ELK3: variants seen among roughly 807,000 people sequenced by gnomAD.
ELK3 encodes ETS domain-containing protein Elk-3.
In ELK3, 10 loss-of-function variants were observed where a neutral mutation model predicts 28.9. The observed-to-expected ratio is 0.35, with a 90% CI of 0.21 to 0.59. The LOEUF is 0.59. Ranked by LOEUF, ELK3 falls within the 20% of genes least tolerant of loss-of-function variation. The pLI is 0.82. For synonymous variants in ELK3, 272 were observed against 243.5 expected (o/e 1.12, Z -1.09); for missense variants, 463 against 517.3 (o/e 0.90, Z 1.02).
At chr12:96,199,939 TA>T (rs1951498252) in intron 1 of ELK3, among the ~76,000 whole-genome samples, 1 of 152,094 alleles carries the variant, frequency 6.6e-6, no homozygotes, top group South Asian at 2.1e-4. Context: ...AGGATCTATT[TA>T]TGACACATAG....
chr12:96,245,397 C>A (rs1028487850), intron 2 of ELK3, among the ~76,000 whole-genome samples: 1 of 152,048 alleles, frequency 6.6e-6, no homozygotes, highest in Non-Finnish European at 1.5e-5. Context: ...GGTTCTTGGG[C>A]AAATGACTCT....
At chr12:96,253,672 T>A (rs767493158) in intron 3 of ELK3, among the ~76,000 whole-genome samples, 23 of 152,256 alleles carry the variant, frequency 1.5e-4, no homozygotes, top group Admixed American at 3.9e-4. Context: ...GGGTACAACC[T>A]GCTAGACATC....
At chr12:96,194,841 G>A (rs1191607916) in intron 1 of ELK3, 136 bp downstream of exon 1, 7 of 141,344 alleles carry the variant, frequency 5.0e-5, no homozygotes, top group Non-Finnish European at 1.6e-5. Flanking sequence ...GGGCCGGGGT[G>A]GGGGTGGCGG....
chr12:96,235,402 C>T (rs776554221), intron 2 of ELK3, among the ~76,000 whole-genome samples: 9 of 152,070 alleles, frequency 5.9e-5, no homozygotes, highest in Non-Finnish European at 1.0e-4. Context: ...CTTACGGGGC[C>T]GCATGCTGGG....
intron 1 of ELK3, among the ~76,000 whole-genome samples, chr12:96,200,215 C>T (rs1234712486): frequency 1.3e-5 from 2 of 152,074 alleles, no homozygotes; most frequent in Non-Finnish European, 2.9e-5. Flanking sequence ...TATCTTCCTT[C>T]TAGTTAATTG....
rs559420889 is a variant in ELK3, at chr12:96,225,725, A to G, written c.207+1952A>G. 9.0e-4 allele frequency among the ~76,000 whole-genome samples: 137 copies of G among 152,320 alleles called. 2 individuals are homozygous for G. Among genetic ancestry groups the G allele is most frequent in the Admixed American group, 3.4e-3 (52 of 15,296 alleles). ...CCACCCAGGTTCCCAGCCAAAAGGC[A>G]CACACACACCCTGCCTTCTGGGCCA... is the stretch of plus-strand genomic sequence containing the variant. On this transcript the variant is annotated intron_variant, in intron 2 of 4. Coordinates refer to ENST00000228741, the MANE Select transcript of ELK3 (RefSeq NM_005230.4).
chr12:96,266,735 ATTATT>A (rs1319731255), intron 4 of ELK3, among the ~76,000 whole-genome samples: 5 of 152,180 alleles, frequency 3.3e-5, no homozygotes, highest in East Asian at 1.9e-4. Flanking sequence ...AATATTAAAC[ATTATT>A]TTAATATTTA....
chr12:96,203,016 G>A (rs1951516576), intron 1 of ELK3, among the ~76,000 whole-genome samples: 1 of 152,074 alleles, frequency 6.6e-6, no homozygotes, highest in Non-Finnish European at 1.5e-5. Context: ...CCAAGTAGCT[G>A]GGACTACAGG....
chr12:96,201,580 CAA>C (rs11298632), intron 1 of ELK3, among the ~76,000 whole-genome samples: 3,034 of 82,954 alleles, frequency 0.037, 114 homozygotes, highest in East Asian at 0.23. Context: ...AACCCTGTCT[CAA>C]AAAAAAAAAA....
chr12:96,254,613 T>A (rs1351188998), intron 3 of ELK3, among the ~76,000 whole-genome samples: 1 of 151,924 alleles, frequency 6.6e-6, no homozygotes, highest in East Asian at 1.9e-4. Flanking sequence ...GTGCCCATCA[T>A]GTGAAAGCTG....
At chr12:96,223,830 A>G (rs1951680371) in intron 2 of ELK3, 57 bp downstream of exon 2, 4 of 1,541,592 alleles carry the variant, frequency 2.6e-6, no homozygotes, top group Non-Finnish European at 2.7e-6. Context: ...CCCTCTGCGT[A>G]GTTCACTGAT....
At chr12:96,204,936 C>G (rs1251599882) in intron 1 of ELK3, among the ~76,000 whole-genome samples, 1 of 152,240 alleles carries the variant, frequency 6.6e-6, no homozygotes, top group Admixed American at 6.5e-5. Context: ...GGAGTTGATT[C>G]ACAGATGAAA....
At chr12:96,200,854 G>A (rs952686708) in intron 1 of ELK3, among the ~76,000 whole-genome samples, 9 of 152,116 alleles carry the variant, frequency 5.9e-5, no homozygotes, top group Non-Finnish European at 8.8e-5. Flanking sequence ...ATAGAGACGG[G>A]CTTTTGCCAT....
intron 4 of ELK3, among the ~76,000 whole-genome samples, chr12:96,261,539 T>C (rs1565793527): frequency 2.0e-5 from 3 of 152,210 alleles, no homozygotes; most frequent in African/African-American, 7.2e-5. Context: ...AATTGTTTGG[T>C]TACAGTAAAC....
chr12:96,195,425 C>T (rs1014095842), intron 1 of ELK3, among the ~76,000 whole-genome samples: 20 of 152,128 alleles, frequency 1.3e-4, no homozygotes, highest in African/African-American at 4.8e-4. Context: ...ATCTTGGGGC[C>T]CCTTCCACTC....
intron 4 of ELK3, 35 bp downstream of exon 4, chr12:96,259,888 C>A: frequency 1.3e-6 from 2 of 1,549,886 alleles, no homozygotes; most frequent in South Asian, 1.2e-5. Flanking sequence ...GAACATTAAG[C>A]TTCTGAGGGA....
rs1220009457 is a variant in ELK3 at position 96,247,179 on chromosome 12, T to C, written c.447T>C (p.Asn149=). Residue 149 remains asparagine, a synonymous_variant, in exon 3 of 5, where the codon AAT becomes AAC. Coordinates refer to ENST00000228741, the MANE Select transcript of ELK3 (RefSeq NM_005230.4). The surrounding 1 kb of genome is among the most constrained non-coding windows in gnomAD (Gnocchi z 5.5). ...GCCTGTACTCGTCCTTCACCATTAA[T>C]TCCCTGCAGAACCCACCAGACGCCT... ...HSGLYSSFTI[N]SLQNPPDAFK... is the part of the protein sequence containing the mutation. 1 of 1,614,116 alleles carries C rather than the reference T, an allele frequency of 6.2e-7. No individual in the cohort carries two copies. The highest frequency in any genetic ancestry group is 1.1e-5 in the South Asian group (1 of 91,076).
At chr12:96,210,056 T>C (rs979143517) in intron 1 of ELK3, among the ~76,000 whole-genome samples, 5 of 152,102 alleles carry the variant, frequency 3.3e-5, no homozygotes, top group Non-Finnish European at 7.3e-5. Flanking sequence ...TGTATTGATA[T>C]TAATAGTACA....
chr12:96,213,260 A>G (rs1482351526), intron 1 of ELK3, among the ~76,000 whole-genome samples: 1 of 152,150 alleles, frequency 6.6e-6, no homozygotes, highest in Non-Finnish European at 1.5e-5. Flanking sequence ...TTCTGGGACA[A>G]TCAGTTATTT....
Sources: allele counts gnomAD v4.1 joint callset (sites outside exome capture counted in the v4.1 genomes callset), GRCh38; gene constraint gnomAD v4.1.1; non-coding constraint Gnocchi (gnomAD v3.1); transcripts MANE v1.5; gene names NCBI Gene and HGNC (gene_info 2026-07-23, HGNC 2026-07-21).